Variants in CTNNA2 observed in about 807,000 individuals in gnomAD.
CTNNA2 encodes catenin alpha-2.
In CTNNA2, 42 loss-of-function variants were observed where a neutral mutation model predicts 101.0. That is an observed-to-expected ratio of 0.42 (90% confidence interval 0.32 to 0.54). CTNNA2 has a LOEUF of 0.54. Ranked by LOEUF, CTNNA2 falls within the 20% of genes least tolerant of loss-of-function variation. CTNNA2 has a pLI of 0.14. For synonymous variants in CTNNA2, 450 were observed against 456.4 expected (o/e 0.99, Z 0.18); for missense variants, 871 against 1,223.1 (o/e 0.71, Z 4.29).
At chr2:80,383,784 A>C (rs541411617) in intron 7 of CTNNA2, among the ~76,000 whole-genome samples, 30 of 152,042 alleles carry the variant, frequency 2.0e-4, no homozygotes, top group Non-Finnish European at 1.5e-4. Context: ...AAAAAAAAAA[A>C]TTACCATTCA....
chr2:79,357,994 C>G (rs539326122), intron 3 of CTNNA2, among the ~76,000 whole-genome samples: 5 of 151,950 alleles, frequency 3.3e-5, no homozygotes, highest in African/African-American at 7.3e-5. Context: ...AGTCAAGATT[C>G]TATTTTACTT....
At chr2:80,014,723 T>C (rs1341214083) in intron 7 of CTNNA2, among the ~76,000 whole-genome samples, 2 of 152,224 alleles carry the variant, frequency 1.3e-5, no homozygotes, top group Non-Finnish European at 2.9e-5. Flanking sequence ...TTCATAAATA[T>C]TTGTCAACAG....
At chr2:79,684,285 ATTCTATCTTCTGCCCTG>A (rs2104660441) in intron 2 of CTNNA2, among the ~76,000 whole-genome samples, 1 of 152,312 alleles carries the variant, frequency 6.6e-6, no homozygotes, top group South Asian at 2.1e-4. Context: ...GATATTTTCT[ATTCTATCTTCTGCCCTG>A]TTCTTTTCTT....
chr2:80,618,828 G>A, intron 17 of CTNNA2: 1 of 278,076 alleles, frequency 3.6e-6, no homozygotes, highest in Non-Finnish European at 6.7e-6. Flanking sequence ...GACAAGGCAG[G>A]GTGCATCTTC....
At chr2:79,510,916 T>A (rs1446536977), upstream of CTNNA2, among the ~76,000 whole-genome samples, 14 of 152,224 alleles carry the variant, frequency 9.2e-5, no homozygotes, top group Admixed American at 9.2e-4. Flanking sequence ...TCTTTTGTGG[T>A]CTACATTATT....
chr2:79,207,100 C>A (rs901673668), intron 2 of CTNNA2, among the ~76,000 whole-genome samples: 15 of 152,116 alleles, frequency 9.9e-5, no homozygotes, highest in Admixed American at 9.8e-4. Flanking sequence ...GCCAGATATT[C>A]TATTAAAAAT....
At chr2:79,792,753 C>T (rs1384915347) in intron 3 of CTNNA2, among the ~76,000 whole-genome samples, 1 of 152,160 alleles carries the variant, frequency 6.6e-6, no homozygotes, top group African/African-American at 2.4e-5. Context: ...AGTTCCTAAT[C>T]AGTAAAACAG....
At chr2:80,002,646 A>G (rs1253166208) in intron 7 of CTNNA2, among the ~76,000 whole-genome samples, 1 of 152,114 alleles carries the variant, frequency 6.6e-6, no homozygotes, top group Non-Finnish European at 1.5e-5. Flanking sequence ...TACACTAGGA[A>G]CAGGGAAACC....
chr2:80,607,193 C>T (rs1255834497), intron 16 of CTNNA2, among the ~76,000 whole-genome samples: 1 of 151,824 alleles, frequency 6.6e-6, no homozygotes, highest in Non-Finnish European at 1.5e-5. Flanking sequence ...AAATAAGATA[C>T]TTCAGTTGTG....
At chr2:79,194,372 G>A (rs1414358563) in intron 1 of CTNNA2, among the ~76,000 whole-genome samples, 20 of 152,080 alleles carry the variant, frequency 1.3e-4, no homozygotes. Flanking sequence ...GAAGAGACTT[G>A]GGAATGTCCA....
chr2:79,754,835 G>A (rs1672288978), intron 3 of CTNNA2, among the ~76,000 whole-genome samples: 1 of 152,072 alleles, frequency 6.6e-6, no homozygotes, highest in African/African-American at 2.4e-5. Context: ...TTTCACTCCT[G>A]TATGGGGAGC....
intron 9 of CTNNA2, among the ~76,000 whole-genome samples, chr2:80,468,428 A>AT (rs531265735): frequency 2.0e-5 from 3 of 151,404 alleles, no homozygotes; most frequent in South Asian, 2.1e-4. Flanking sequence ...TTATTTATTT[A>AT]TTTTTTTTGA....
intron 7 of CTNNA2, among the ~76,000 whole-genome samples, chr2:80,106,803 G>T (rs1464096597): frequency 1.3e-5 from 2 of 152,074 alleles, no homozygotes; most frequent in Admixed American, 6.5e-5. Flanking sequence ...GGCGCCTGGC[G>T]TAAGATGAGG....
intron 1 of CTNNA2, among the ~76,000 whole-genome samples, chr2:79,575,042 G>T (rs1675702257): frequency 6.6e-6 from 1 of 152,066 alleles, no homozygotes; most frequent in African/African-American, 2.4e-5. Flanking sequence ...CGTGTCCTTT[G>T]CCCACTTTTT....
chr2:79,850,381 C>G (rs72916674), intron 3 of CTNNA2, among the ~76,000 whole-genome samples: 3,358 of 128,250 alleles, frequency 0.026, 213 homozygotes, highest in African/African-American at 0.094. Flanking sequence ...CTCCCTCCCT[C>G]TGTTTGTTTC....
At position 79,548,599 on chromosome 2, in the gene CTNNA2, G is replaced by C. The variant is rs1673888150; in HGVS notation, c.-6+35392G>C. Among the ~76,000 whole-genome samples the C allele has an allele frequency of 2.0e-5, 3 of 152,280 alleles. No individual in the cohort carries two copies. The South Asian group carries it at 6.2e-4, about 32-fold the overall frequency. ...GGAAGCTGACACTCAAAGGAAACTGGGTTCTCATAGTACTAATGCATCACT... is the reference window on the plus strand; with the variant it reads ...GGAAGCTGACACTCAAAGGAAACTGCGTTCTCATAGTACTAATGCATCACT... On this transcript the variant is annotated intron_variant, in intron 1 of 18. Transcript: ENST00000402739.
At chr2:79,625,506 T>C (rs1362148150) in intron 1 of CTNNA2, among the ~76,000 whole-genome samples, 1 of 152,206 alleles carries the variant, frequency 6.6e-6, no homozygotes, top group Non-Finnish European at 1.5e-5. Context: ...TGTTTCAGTT[T>C]TATAGCTACA....
At chr2:80,615,071 T>C (rs539085739) in intron 17 of CTNNA2, among the ~76,000 whole-genome samples, 2 of 151,452 alleles carry the variant, frequency 1.3e-5, no homozygotes, top group Non-Finnish European at 3.0e-5. Context: ...CAAGGTGATA[T>C]AATGTGAATA....
At chr2:80,168,827 A>C (rs1199519993) in intron 7 of CTNNA2, among the ~76,000 whole-genome samples, 1 of 152,058 alleles carries the variant, frequency 6.6e-6, no homozygotes, top group East Asian at 1.9e-4. Context: ...AATGTATAGT[A>C]GGGGATGAGA....
Sources: allele counts gnomAD v4.1 joint callset (sites outside exome capture counted in the v4.1 genomes callset), GRCh38; gene constraint gnomAD v4.1.1; transcripts MANE v1.5; gene names NCBI Gene and HGNC (gene_info 2026-07-23, HGNC 2026-07-21).